FHIT: variants seen among roughly 807,000 people sequenced by gnomAD.
The protein encoded by FHIT is fragile histidine triad diadenosine triphosphatase, also known as bis(5'-adenosyl)-triphosphatase.
In FHIT, 19 loss-of-function variants were observed where a neutral mutation model predicts 17.9. That is an observed-to-expected ratio of 1.06 (90% CI 0.74 to 1.56). The LOEUF is 1.56. Among genes scored for constraint, FHIT ranks in the 40% most tolerant of loss-of-function variants. FHIT has a pLI of 0.00. For missense variants in FHIT, 248 were observed against 189.2 expected, an observed-to-expected ratio of 1.31 and a Z score of -1.82; for synonymous variants, 81 against 69.7, an observed-to-expected ratio of 1.16 and a Z score of -0.81.
At chr3:60,284,924 C>G (rs770078677) in intron 5 of FHIT, among the ~76,000 whole-genome samples, 6 of 152,082 alleles carry the variant, frequency 3.9e-5, no homozygotes, top group African/African-American at 9.7e-5. Context: ...TTGCTATATA[C>G]ATTTTGATTA....
rs1553654525 is a variant in FHIT at position 60,027,148 on chromosome 3, C to CACACAAAA, written c.104-12997_104-12996insTTTTGTGT. Among the ~76,000 whole-genome samples the CACACAAAA allele has an allele frequency of 5.4e-4, 68 of 125,842 alleles. 3 individuals are homozygous for CACACAAAA. Among genetic ancestry groups the CACACAAAA allele is most frequent in the African/African-American group, 1.7e-3 (64 of 36,948 alleles). The allele number at this position is 125,842 out of a possible 152,430, so 82.6% of individuals were successfully genotyped here. On this transcript the variant is annotated intron_variant, in intron 5 of 9. Coordinates refer to ENST00000492590, the MANE Select transcript of FHIT (RefSeq NM_002012.4). ...ACACACACACACACACACACACACA[C>CACACAAAA]AAAATTAGTAAACCCAATAATCCAC...
rs797039195 is a variant in FHIT at position 60,811,955 on chromosome 3, A to C, written c.-18+9964T>G. On this transcript the variant is annotated intron_variant, in intron 4 of 9. Coordinates refer to ENST00000492590, the MANE Select transcript of FHIT (RefSeq NM_002012.4). The stretch of plus-strand genomic sequence containing the variant: ...GACTCTAAGAAATAATTGTAGTTCT[A>C]CTAATTACAAGTAAAACACAAATGC... Among the ~76,000 whole-genome samples the C allele has an allele frequency of 3.3e-5, 5 of 152,276 alleles. 1 individual carries two copies. The highest frequency in any genetic ancestry group is 1.2e-4 in the African/African-American group (5 of 41,564).
intron 3 of FHIT, among the ~76,000 whole-genome samples, chr3:60,905,770 A>T (rs1553764381): frequency 6.6e-6 from 1 of 152,198 alleles, no homozygotes; most frequent in Non-Finnish European, 1.5e-5. Context: ...AAGCGTATGT[A>T]TATTTGCTTC....
chr3:60,097,255 C>G (rs1024839243), intron 5 of FHIT, among the ~76,000 whole-genome samples: 1 of 152,008 alleles, frequency 6.6e-6, no homozygotes, highest in Non-Finnish European at 1.5e-5. Flanking sequence ...CCCCTCCAAA[C>G]AGAAGATGAG....
At chr3:59,931,686 A>C (rs983557821) in intron 7 of FHIT, among the ~76,000 whole-genome samples, 1 of 151,996 alleles carries the variant, frequency 6.6e-6, no homozygotes, top group African/African-American at 2.4e-5. Flanking sequence ...CAGTTTAAAC[A>C]AAAAAAATAA....
intron 5 of FHIT, among the ~76,000 whole-genome samples, chr3:60,117,854 GA>G (rs946398782): frequency 6.6e-6 from 1 of 152,116 alleles, no homozygotes; most frequent in African/African-American, 2.4e-5. Flanking sequence ...GTTCAAGGAG[GA>G]AGAAAGACCA....
At chr3:60,628,735 T>G (rs782112101) in intron 4 of FHIT, among the ~76,000 whole-genome samples, 1 of 152,206 alleles carries the variant, frequency 6.6e-6, no homozygotes, top group Non-Finnish European at 1.5e-5. Context: ...CAATGTCTAT[T>G]GCTTTGGACA....
chr3:59,820,050 C>G (rs932650774), intron 8 of FHIT, among the ~76,000 whole-genome samples: 1 of 152,216 alleles, frequency 6.6e-6, no homozygotes, highest in African/African-American at 2.4e-5. Context: ...TCTTGGACTT[C>G]CCAGGCTCCA....
chr3:59,829,192 G>A (rs937685715), intron 8 of FHIT, among the ~76,000 whole-genome samples: 1 of 152,168 alleles, frequency 6.6e-6, no homozygotes, highest in Non-Finnish European at 1.5e-5. Context: ...TATTAAGTGG[G>A]TTGAAGTAAT....
At chr3:59,750,593 C>G (rs767937413) in intron 9 of FHIT, 2 of 225,250 alleles carry the variant, frequency 8.9e-6, no homozygotes, top group East Asian at 1.3e-4. Context: ...CATATCCCCC[C>G]AGGCAACTGA....
chr3:61,238,930 T>C (rs2040298249), intron 1 of FHIT, among the ~76,000 whole-genome samples: 1 of 152,036 alleles, frequency 6.6e-6, no homozygotes, highest in Non-Finnish European at 1.5e-5. Flanking sequence ...GGGGCAGAAG[T>C]GGGTATCGCA....
intron 2 of FHIT, among the ~76,000 whole-genome samples, chr3:61,104,703 C>T (rs112234391): frequency 6.6e-6 from 1 of 152,160 alleles, no homozygotes; most frequent in Non-Finnish European, 1.5e-5. Context: ...TTCAGAGATA[C>T]CAAAGAATCA....
chr3:60,899,983 C>T (rs1356535440), intron 3 of FHIT, among the ~76,000 whole-genome samples: 1 of 152,182 alleles, frequency 6.6e-6, no homozygotes, highest in Non-Finnish European at 1.5e-5. Context: ...GCATCCCCCA[C>T]TCATTGGGCC....
At chr3:60,588,114 T>C (rs1553662789) in intron 4 of FHIT, among the ~76,000 whole-genome samples, 3 of 152,048 alleles carry the variant, frequency 2.0e-5, no homozygotes, top group African/African-American at 7.2e-5. Context: ...TCTTCCATCA[T>C]TCACGTGGAC....
At chr3:60,589,867 G>C (rs952105922) in intron 4 of FHIT, among the ~76,000 whole-genome samples, 1 of 152,038 alleles carries the variant, frequency 6.6e-6, no homozygotes, top group Non-Finnish European at 1.5e-5. Flanking sequence ...TATTTCTCCT[G>C]GAGAATGAAT....
intron 5 of FHIT, among the ~76,000 whole-genome samples, chr3:60,033,623 T>C (rs1328381231): frequency 6.6e-6 from 1 of 151,928 alleles, no homozygotes; most frequent in East Asian, 1.9e-4. Flanking sequence ...AAAATACTTC[T>C]AGCAATTGCC....
At chr3:61,219,696 TC>T (rs767731869) in intron 1 of FHIT, among the ~76,000 whole-genome samples, 2 of 152,102 alleles carry the variant, frequency 1.3e-5, no homozygotes, top group Non-Finnish European at 2.9e-5. Context: ...GCTTCAGTTC[TC>T]CTAAAAGAAA....
At chr3:61,006,182 G>A (rs1315657135) in intron 3 of FHIT, among the ~76,000 whole-genome samples, 1 of 152,128 alleles carries the variant, frequency 6.6e-6, no homozygotes, top group Non-Finnish European at 1.5e-5. Context: ...AAAAGGCCAA[G>A]GTTAATGGTA....
intron 5 of FHIT, among the ~76,000 whole-genome samples, chr3:60,157,092 AT>A (rs1213288470): frequency 1.3e-5 from 2 of 152,144 alleles, no homozygotes; most frequent in African/African-American, 2.4e-5. Context: ...ATTTATAAAT[AT>A]TTTTTATTTA....
Sources: allele counts gnomAD v4.1 joint callset (sites outside exome capture counted in the v4.1 genomes callset), GRCh38; gene constraint gnomAD v4.1.1; transcripts MANE v1.5; gene names NCBI Gene and HGNC (gene_info 2026-07-23, HGNC 2026-07-21).